Variants in LTBP1 observed in about 807,000 individuals in gnomAD.
LTBP1 encodes the protein latent transforming growth factor beta binding protein 1.
Under a neutral mutation model 207.6 loss-of-function variants are expected in LTBP1, and 129 were observed. The ratio of observed to expected loss-of-function variants is 0.62; its 90% CI spans 0.54 to 0.72. The LOEUF (loss-of-function observed/expected upper bound fraction) is 0.72, where lower values mean the gene tolerates loss of function less well. Ranked by LOEUF, LTBP1 falls within the 30% of genes least tolerant of loss-of-function variation. The probability of loss-of-function intolerance (pLI) is 0.00; values close to 1 mark genes in which losing one functional copy is unlikely to be tolerated. For synonymous variants in LTBP1, 963 were observed against 833.7 expected (o/e 1.16, Z -2.67); for missense variants, 2,281 against 2,217.2 (o/e 1.03, Z -0.58).
rs745445793 is a variant in LTBP1, at chr2:33,341,729, A to AAAATAC, written c.3731-1108_3731-1107insAATACA. 2.6e-4 allele frequency among the ~76,000 whole-genome samples: 24 copies of AAAATAC among 93,622 alleles called. 1 individual carries two copies. Among genetic ancestry groups the AAAATAC allele is most frequent in the African/African-American group, 1.2e-3 (24 of 19,634 alleles). 61.4% of individuals were successfully genotyped at this position (93,622 alleles called of 152,430 possible). ...CCGTCTCACTCAAAAAAAAAAAAAA[A>AAAATAC]ATATATATATATATATGTATATTTA... On this transcript the variant is annotated intron_variant, in intron 24 of 33. Coordinates refer to ENST00000404816, the MANE Select transcript of LTBP1 (RefSeq NM_206943.4).
intron 3 of LTBP1, among the ~76,000 whole-genome samples, chr2:33,065,924 C>T (rs772788137): frequency 1.3e-5 from 2 of 152,088 alleles, no homozygotes; most frequent in East Asian, 1.9e-4. Context: ...TTCTTTTTAT[C>T]GGTCTGACAG....
intron 5 of LTBP1, among the ~76,000 whole-genome samples, chr2:33,168,099 G>A (rs2148333999): frequency 6.6e-6 from 1 of 152,294 alleles, no homozygotes; most frequent in East Asian, 1.9e-4. Context: ...GAAAATGGAG[G>A]CTGAGCACAG....
At chr2:33,120,657 C>T (rs573816520) in intron 4 of LTBP1, among the ~76,000 whole-genome samples, 1 of 152,130 alleles carries the variant, frequency 6.6e-6, no homozygotes. Flanking sequence ...CATTCATTCA[C>T]GTGCATGTGT....
At chr2:33,115,283 G>C (rs1468729699) in intron 4 of LTBP1, among the ~76,000 whole-genome samples, 1 of 152,044 alleles carries the variant, frequency 6.6e-6, no homozygotes, top group Non-Finnish European at 1.5e-5. Context: ...ATTTCTATAA[G>C]ATGTCCAGAG....
At position 33,375,518 on chromosome 2, in the gene LTBP1, GTTGTTTGTTTGT is replaced by G. The variant is rs549623386; in HGVS notation, c.4711+10026_4711+10037del. On this transcript the variant is annotated intron_variant, in intron 31 of 33. Transcript: ENST00000404816. ...TGCACACAAAGGACCATTATGTTGA[GTTGTTTGTTTGT>G]TTGTTTGTTTATTTTGAGACGGAGT... Among the ~76,000 whole-genome samples the G allele has an allele frequency of 3.6e-4, 54 of 152,036 alleles. No individual in the cohort carries two copies. In the East Asian group the frequency reaches 9.3e-3, roughly 26 times the overall value.
At chr2:32,975,893 A>G (rs1005568595) in intron 2 of LTBP1, among the ~76,000 whole-genome samples, 3 of 151,892 alleles carry the variant, frequency 2.0e-5, no homozygotes, top group African/African-American at 7.3e-5. Flanking sequence ...TCAGAATTCT[A>G]TGTCTGTCAT....
chr2:32,983,772 A>G (rs1484511243), intron 2 of LTBP1, among the ~76,000 whole-genome samples: 4 of 152,174 alleles, frequency 2.6e-5, no homozygotes, highest in Non-Finnish European at 5.9e-5. Context: ...GCCCTCTGCC[A>G]TGATTGTGAG....
At chr2:33,289,909 C>G (rs1361530450) in intron 19 of LTBP1, among the ~76,000 whole-genome samples, 1 of 152,132 alleles carries the variant, frequency 6.6e-6, no homozygotes, top group African/African-American at 2.4e-5. Flanking sequence ...GTAGGCACCA[C>G]CTGCTTCCTT....
At chr2:32,993,514 C>T (rs1684759618) in intron 2 of LTBP1, among the ~76,000 whole-genome samples, 1 of 152,234 alleles carries the variant, frequency 6.6e-6, no homozygotes, top group African/African-American at 2.4e-5. Flanking sequence ...GAAATCCTTG[C>T]TCTCCCAGAG....
At position 33,078,760 on chromosome 2, in the gene LTBP1, A is replaced by G. The variant is rs78535091; in HGVS notation, c.864-31822A>G. 3.4e-3 allele frequency among the ~76,000 whole-genome samples: 512 copies of G among 152,230 alleles called. 3 individuals carry two copies. The highest frequency in any genetic ancestry group is 0.012 in the African/African-American group (498 of 41,550). ...ATCACTAAGCTGGAGTCTATATTAC[A>G]TAGTCAGCTCAATAAGGTGATTACC... On this transcript the variant is annotated intron_variant, in intron 3 of 33. Transcript: ENST00000404816.
chr2:33,314,728 G>C (rs942381720), intron 23 of LTBP1, among the ~76,000 whole-genome samples: 2 of 152,148 alleles, frequency 1.3e-5, no homozygotes, highest in African/African-American at 4.8e-5. Flanking sequence ...CCACATCCTA[G>C]GGATGGATAG....
chr2:33,046,740 C>T (rs1326739776), intron 3 of LTBP1, among the ~76,000 whole-genome samples: 1 of 152,116 alleles, frequency 6.6e-6, no homozygotes, highest in Admixed American at 6.5e-5. Context: ...TCTGTCTGGT[C>T]CTGGACGTTT....
rs188270743 is a variant in LTBP1 at position 32,991,431 on chromosome 2, C to G, written c.566-29478C>G. The stretch of plus-strand genomic sequence containing the variant: ...GCAAAATAATTGCTGTCTGAACTAT[C>G]TAAATATAAAGCTAGCTTTGGACAG... On this transcript the variant is annotated intron_variant, in intron 2 of 33. Transcript: ENST00000404816. Among the ~76,000 whole-genome samples, 369 of 152,308 alleles carry G rather than the reference C, an allele frequency of 2.4e-3. 1 individual carries two copies. The highest frequency in any genetic ancestry group is 8.7e-3 in the African/African-American group (362 of 41,570).
intron 2 of LTBP1, among the ~76,000 whole-genome samples, chr2:33,013,073 G>T (rs1006611434): frequency 1.3e-5 from 2 of 152,032 alleles, no homozygotes. Flanking sequence ...GGCACAAATA[G>T]CGCTGCTGTG....
At chr2:33,007,379 C>T (rs1687069528) in intron 2 of LTBP1, among the ~76,000 whole-genome samples, 1 of 152,200 alleles carries the variant, frequency 6.6e-6, no homozygotes, top group Admixed American at 6.5e-5. Flanking sequence ...GCTACTAATT[C>T]ACCTGAAGGA....
intron 5 of LTBP1, among the ~76,000 whole-genome samples, chr2:33,148,656 G>T (rs2083251446): frequency 6.6e-6 from 1 of 151,970 alleles, no homozygotes; most frequent in African/African-American, 2.4e-5. Context: ...TATTTCACTT[G>T]CACCCATCAG....
intron 9 of LTBP1, among the ~76,000 whole-genome samples, chr2:33,224,255 G>A (rs980333347): frequency 6.6e-6 from 1 of 152,178 alleles, no homozygotes. Flanking sequence ...CCACAGAAAA[G>A]GCTTTCTTGT....
intron 32 of LTBP1, among the ~76,000 whole-genome samples, chr2:33,393,234 CTT>C (rs569734292): frequency 0.12 from 5,715 of 48,680 alleles, 136 homozygotes; most frequent in African/African-American, 0.18. Flanking sequence ...CCTTCTTCTT[CTT>C]TTTTTTTTTT....
At chr2:33,225,956 C>A (rs72858037) in intron 9 of LTBP1, among the ~76,000 whole-genome samples, 1 of 152,090 alleles carries the variant, frequency 6.6e-6, no homozygotes, top group African/African-American at 2.4e-5. Context: ...TGTATATACA[C>A]CACATTTTCT....
Sources: gnomAD v4.1 joint callset for allele counts (sites outside exome capture counted in the v4.1 genomes callset) on GRCh38, gnomAD v4.1.1 for gene constraint, MANE v1.5 for transcripts, NCBI Gene and HGNC (gene_info 2026-07-23, HGNC 2026-07-21) for gene names.